Variants in RALGAPA1 observed in about 807,000 individuals in gnomAD.
The protein encoded by RALGAPA1 is Ral GTPase activating protein catalytic subunit alpha 1, also known as ral GTPase-activating protein subunit alpha-1.
In RALGAPA1, 52 loss-of-function variants were observed where a neutral mutation model predicts 269.6. That is an observed-to-expected ratio of 0.19 (90% CI 0.15 to 0.24). The LOEUF (loss-of-function observed/expected upper bound fraction) is 0.24. Ranked by LOEUF, RALGAPA1 falls within the 10% of genes least tolerant of loss-of-function variation. The pLI, the probability that RALGAPA1 is intolerant of heterozygous loss-of-function variation, is 1.00. For synonymous variants in RALGAPA1, 817 were observed against 1,008.3 expected, an observed-to-expected ratio of 0.81 and a Z score of 3.60; for missense variants, 1,917 against 3,013.9, an observed-to-expected ratio of 0.64 and a Z score of 8.52.
chr14:35,608,303 C>G (rs1400731863), intron 35 of RALGAPA1, among the ~76,000 whole-genome samples: 1 of 152,180 alleles, frequency 6.6e-6, no homozygotes, highest in African/African-American at 2.4e-5. Flanking sequence ...TAAGCACAAA[C>G]TTTGACCAAT....
intron 41 of RALGAPA1, chr14:35,541,740 C>T (rs533457559): frequency 4.4e-6 from 2 of 456,890 alleles, no homozygotes; most frequent in South Asian, 1.5e-5. Context: ...TGCTGTTTAC[C>T]TTGAGATGGC....
intron 37 of RALGAPA1, among the ~76,000 whole-genome samples, chr14:35,573,745 A>C (rs2057375272): frequency 6.6e-6 from 1 of 152,152 alleles, no homozygotes; most frequent in Non-Finnish European, 1.5e-5. Flanking sequence ...ACACAAGTTG[A>C]ATAATATAAA....
intron 39 of RALGAPA1, among the ~76,000 whole-genome samples, chr14:35,562,869 A>C (rs1373027320): frequency 6.6e-6 from 1 of 151,426 alleles, no homozygotes. Context: ...AAAATACAAA[A>C]AATTAGCTGG....
chr14:35,638,386 T>C (rs1038445449), intron 31 of RALGAPA1, among the ~76,000 whole-genome samples: 12 of 152,174 alleles, frequency 7.9e-5, no homozygotes, highest in African/African-American at 2.9e-4. Context: ...ATGCAGTCAG[T>C]GTCAAGTTGG....
At chr14:35,628,054 A>G in intron 33 of RALGAPA1, 103 bp from the exon 34 acceptor site, 3 of 1,280,074 alleles carry the variant, frequency 2.3e-6, no homozygotes, top group South Asian at 1.5e-5. Flanking sequence ...CACATTGTTA[A>G]TATTTCCAGT....
At chr14:35,651,360 C>T (rs756501221) in intron 31 of RALGAPA1, among the ~76,000 whole-genome samples, 2 of 152,146 alleles carry the variant, frequency 1.3e-5, no homozygotes, top group Non-Finnish European at 2.9e-5. Context: ...AATGAATTTA[C>T]TGAGGTAAAT....
At chr14:35,698,857 T>A (rs560248052) in intron 17 of RALGAPA1, among the ~76,000 whole-genome samples, 2 of 152,292 alleles carry the variant, frequency 1.3e-5, no homozygotes, top group South Asian at 4.1e-4. Context: ...GCTTAAATGG[T>A]GCACTAAAGA....
chr14:35,713,608 T>G lies in RALGAPA1; in HGVS notation c.2266+8080A>C, dbSNP rs145735966. Among the ~76,000 whole-genome samples the G allele has an allele frequency of 1.3e-5, 2 of 152,272 alleles. 1 individual carries two copies. The highest frequency in any genetic ancestry group is 4.8e-5 in the African/African-American group (2 of 41,556). On this transcript the variant is annotated intron_variant, in intron 16 of 41. Transcript: ENST00000680220. ...GTAGTTCTTTTTCAGCTTTTACATG[T>G]AATAAGCAAAAGGGAAAAGTGAGAA...
At chr14:35,738,783 C>G (rs1382817693) in intron 11 of RALGAPA1, 133 bp from the exon 12 acceptor site, 4 of 642,852 alleles carry the variant, frequency 6.2e-6, no homozygotes, top group Non-Finnish European at 1.0e-5. Flanking sequence ...TAGATGATGT[C>G]TTATCCAAAT....
At chr14:35,673,646 T>C (rs1173483310) in intron 24 of RALGAPA1, among the ~76,000 whole-genome samples, 1 of 152,088 alleles carries the variant, frequency 6.6e-6, no homozygotes, top group Non-Finnish European at 1.5e-5. Flanking sequence ...AATGGCGCCA[T>C]CTCAGCTCAC....
chr14:35,580,936 T>C (rs372892838), intron 37 of RALGAPA1, among the ~76,000 whole-genome samples: 11 of 152,264 alleles, frequency 7.2e-5, no homozygotes, highest in Non-Finnish European at 1.5e-4. Flanking sequence ...CTTCAACCCG[T>C]GCTCATTAAT....
At chr14:35,761,192 C>T (rs572492401) in intron 5 of RALGAPA1, among the ~76,000 whole-genome samples, 186 bp from the exon 6 acceptor site, 12 of 152,238 alleles carry the variant, frequency 7.9e-5, no homozygotes, top group Non-Finnish European at 1.6e-4. Context: ...AATACAAATG[C>T]ATGGATTTTT....
Position 35,627,402 on chromosome 14 carries a change from T to C in RALGAPA1, c.6545A>G (p.Asp2182Gly). ...ETVPTWDTIR[D>G]EEDVLDELLQ... ...GAGCTCATCAAGAACATCTTCTTCA[T>C]CTCTTATTGTATCCCAAGTTGGTAC... The change falls in exon 34 of 42, where the codon GAT becomes GGT. Residue 2182 changes from aspartate (D) to glycine (G), a missense_variant. By Grantham distance (94) the Asp-to-Gly change is moderately conservative (BLOSUM62 -1). Transcript: ENST00000680220. 6.2e-7 allele frequency: 1 copy of C among 1,614,130 alleles called. No individual in the cohort carries two copies. The highest frequency in any genetic ancestry group is 8.5e-7 in the Non-Finnish European group (1 of 1,180,022).
chr14:35,737,358 C>T (rs544402424), intron 12 of RALGAPA1, among the ~76,000 whole-genome samples: 9 of 152,032 alleles, frequency 5.9e-5, no homozygotes, highest in South Asian at 4.2e-4. Context: ...AACAATTGGG[C>T]GATAATAGTA....
chr14:35,707,071 T>C (rs2067873953), intron 16 of RALGAPA1: 1 of 152,226 alleles, frequency 6.6e-6, no homozygotes, highest in African/African-American at 2.4e-5. Context: ...TTTTGCTAGA[T>C]TTATACCTAA....
chr14:35,789,243 T>C (rs2075994142), intron 1 of RALGAPA1, among the ~76,000 whole-genome samples: 1 of 151,682 alleles, frequency 6.6e-6, no homozygotes. Flanking sequence ...TATCATTAGC[T>C]ACGGCACAGG....
chr14:35,749,859 T>C (rs925864029), intron 9 of RALGAPA1, among the ~76,000 whole-genome samples: 1 of 151,826 alleles, frequency 6.6e-6, no homozygotes, highest in Admixed American at 6.6e-5. Flanking sequence ...GTTTAAGATT[T>C]TAAAAACTAA....
At chr14:35,666,448 C>T (rs1409306224) in intron 26 of RALGAPA1, among the ~76,000 whole-genome samples, 1 of 152,156 alleles carries the variant, frequency 6.6e-6, no homozygotes, top group Non-Finnish European at 1.5e-5. Flanking sequence ...TGGTCTCAAA[C>T]TCCTGACCTC....
intron 26 of RALGAPA1, among the ~76,000 whole-genome samples, chr14:35,668,027 A>G (rs2064092404): frequency 3.3e-5 from 5 of 152,228 alleles, no homozygotes. Context: ...GGAGAACATT[A>G]TGTTAACTGA....
Sources: gnomAD v4.1 joint callset for allele counts (sites outside exome capture counted in the v4.1 genomes callset) on GRCh38, gnomAD v4.1.1 for gene constraint, MANE v1.5 for transcripts, NCBI Gene and HGNC (gene_info 2026-07-23, HGNC 2026-07-21) for gene names.